CBR4: variants seen among roughly 807,000 people sequenced by gnomAD.
CBR4 encodes the protein carbonyl reductase 4.
Under a neutral mutation model 21.0 loss-of-function variants are expected in CBR4, and 22 were observed. The ratio of observed to expected loss-of-function variants is 1.05; its 90% CI spans 0.75 to 1.50. The LOEUF (loss-of-function observed/expected upper bound fraction) is 1.50, where lower values mean the gene tolerates loss of function less well. CBR4 is among the 40% of genes most tolerant of loss of function. The pLI is 0.00. For synonymous variants in CBR4, 100 were observed against 104.4 expected (o/e 0.96, Z 0.26); for missense variants, 302 against 286.3 (o/e 1.05, Z -0.40).
chr4:169,003,297 A>AT (rs1730620824), intron 3 of CBR4, among the ~76,000 whole-genome samples: 1 of 152,218 alleles, frequency 6.6e-6, no homozygotes, highest in South Asian at 2.1e-4. Flanking sequence ...GAAAGAAGTT[A>AT]TTTTAACCCT....
intron 2 of CBR4, among the ~76,000 whole-genome samples, chr4:168,963,155 G>T (rs930858535): frequency 6.6e-6 from 1 of 152,186 alleles, no homozygotes; most frequent in African/African-American, 2.4e-5. Flanking sequence ...GAAGCACTCA[G>T]AAAGATTTGG....
chr4:168,929,887 A>G (rs1762919376), intron 2 of CBR4, among the ~76,000 whole-genome samples: 1 of 152,216 alleles, frequency 6.6e-6, no homozygotes, highest in Non-Finnish European at 1.5e-5. Context: ...CTAAAGTAAA[A>G]TTTCAATTAC....
chr4:168,961,737 A>G (rs553002008), intron 2 of CBR4, among the ~76,000 whole-genome samples: 1 of 152,250 alleles, frequency 6.6e-6, no homozygotes, highest in Admixed American at 6.5e-5. Context: ...TAAAAATACA[A>G]AAATTAGCTG....
intron 4 of CBR4, among the ~76,000 whole-genome samples, chr4:168,992,310 G>T (rs1008254766): frequency 6.6e-6 from 1 of 152,186 alleles, no homozygotes; most frequent in Non-Finnish European, 1.5e-5. Context: ...GCTAAAGAAT[G>T]TGTACACATG....
chr4:168,952,885 T>C (rs1329343017), intron 2 of CBR4, among the ~76,000 whole-genome samples: 1 of 152,214 alleles, frequency 6.6e-6, no homozygotes, highest in Admixed American at 6.5e-5. Context: ...ATTTTTGTGC[T>C]GGTTGGCCTC....
chr4:169,005,904 C>CCTT, intron 3 of CBR4: 1 of 1,287,818 alleles, frequency 7.8e-7, no homozygotes, highest in Non-Finnish European at 1.0e-6. Flanking sequence ...GCAGCATCTC[C>CCTT]CTTCTGTGGC....
In CBR4 at chr4:168,924,520, A is replaced by C. The variant is rs956226215; in HGVS notation, n.170-29755T>G. 5.2e-6 allele frequency: 6 copies of C among 1,157,942 alleles called. No homozygotes were observed. The African/African-American group carries it at 9.1e-5, about 18-fold the overall frequency. 71.7% of individuals were successfully genotyped at this position (1,157,942 alleles called of 1,614,324 possible). On this transcript the variant is annotated intron_variant and non_coding_transcript_variant, in intron 2 of 3. Transcript: ENST00000509108. ...GCATGGAAATCTATGTGTAAAAGCCACATAGATGTTTTGATTTTTGATGAA... is the reference window on the plus strand; with the variant it reads ...GCATGGAAATCTATGTGTAAAAGCCCCATAGATGTTTTGATTTTTGATGAA...
chr4:168,959,100 C>G (rs548115995), intron 2 of CBR4, among the ~76,000 whole-genome samples: 1 of 152,040 alleles, frequency 6.6e-6, no homozygotes, highest in Non-Finnish European at 1.5e-5. Flanking sequence ...GGTGTCTTAT[C>G]TAAGGAATCA....
intron 4 of CBR4, among the ~76,000 whole-genome samples, chr4:168,997,491 T>C (rs1289310757): frequency 6.6e-6 from 1 of 152,068 alleles, no homozygotes; most frequent in African/African-American, 2.4e-5. Flanking sequence ...TCCCAGCTAC[T>C]ACTGAGGCAG....
At chr4:168,948,172 T>A (rs546825568) in intron 2 of CBR4, among the ~76,000 whole-genome samples, 1 of 152,344 alleles carries the variant, frequency 6.6e-6, no homozygotes, top group Non-Finnish European at 1.5e-5. Context: ...CATTTGTATA[T>A]CTTCTTTTGA....
At chr4:168,910,079 A>G (rs1275680435) in intron 2 of CBR4, among the ~76,000 whole-genome samples, 3 of 152,146 alleles carry the variant, frequency 2.0e-5, no homozygotes, top group Admixed American at 6.6e-5. Context: ...AATGATAACT[A>G]TTCCTTTTTC....
At chr4:168,894,535 G>C in intron 3 of CBR4, 1 of 1,284,722 alleles carries the variant, frequency 7.8e-7, no homozygotes, top group Non-Finnish European at 1.1e-6. Flanking sequence ...ACATATTTGT[G>C]ATTTTTTTCT....
In CBR4 at chr4:168,898,695, C is replaced by T. The variant is rs1755800407; in HGVS notation, n.170-3930G>A. On this transcript the variant is annotated intron_variant and non_coding_transcript_variant, in intron 2 of 3. Coordinates refer to the CBR4 transcript ENST00000509108. ...CCAGTAACTTTCACATGTAGAGTGG[C>T]TGGAAATCCAAAGCCAAAGGTGAGC... The T allele has an allele frequency of 6.2e-7, 1 of 1,613,250 alleles. No individual in the cohort carries two copies.
chr4:168,934,282 C>CAAAAAAAAAAAAAAAAAAAAAAAA (rs60538970), intron 2 of CBR4, among the ~76,000 whole-genome samples: 3 of 18,198 alleles, frequency 1.6e-4, no homozygotes, highest in Non-Finnish European at 2.1e-4. Context: ...GCAAAAAAAA[C>CAAAAAAAAAAAAAAAAAAAAAAAA]AAAAAAAAAA....
intron 2 of CBR4, among the ~76,000 whole-genome samples, chr4:168,971,151 T>C (rs1438583743): frequency 6.6e-6 from 1 of 152,102 alleles, no homozygotes; most frequent in Non-Finnish European, 1.5e-5. Context: ...TTTTATTTTT[T>C]AATTATGGCC....
intron 4 of CBR4, among the ~76,000 whole-genome samples, chr4:168,998,367 T>C (rs887162184): frequency 2.0e-5 from 3 of 152,212 alleles, no homozygotes; most frequent in East Asian, 1.9e-4. Context: ...AAATTAGGTA[T>C]ACCTTTAAAA....
At chr4:168,961,800 G>A (rs1296387513) in intron 2 of CBR4, among the ~76,000 whole-genome samples, 1 of 152,152 alleles carries the variant, frequency 6.6e-6, no homozygotes, top group Admixed American at 6.5e-5. Flanking sequence ...TGAGGCAGGA[G>A]AATTGCTTGA....
chr4:168,951,774 G>A (rs1161202637), intron 2 of CBR4, among the ~76,000 whole-genome samples: 1 of 152,182 alleles, frequency 6.6e-6, no homozygotes, highest in Non-Finnish European at 1.5e-5. Context: ...GGTTTCTGCT[G>A]AGAAATCTGC....
At chr4:168,953,590 A>ATT (rs1220737031) in intron 2 of CBR4, among the ~76,000 whole-genome samples, 7 of 141,824 alleles carry the variant, frequency 4.9e-5, no homozygotes, top group Non-Finnish European at 6.2e-5. Flanking sequence ...TGCAAAGCTA[A>ATT]TTTTTTTTTT....
Sources: allele counts gnomAD v4.1 joint callset (sites outside exome capture counted in the v4.1 genomes callset), GRCh38; gene constraint gnomAD v4.1.1; transcripts MANE v1.5; gene names NCBI Gene and HGNC (gene_info 2026-07-23, HGNC 2026-07-21).